LAMC1: variants seen among roughly 807,000 people sequenced by gnomAD.
LAMC1 encodes laminin subunit gamma-1.
In LAMC1, 38 loss-of-function variants were observed where a neutral mutation model predicts 173.6. The observed-to-expected ratio is 0.22, with a 90% confidence interval of 0.17 to 0.29. The LOEUF (loss-of-function observed/expected upper bound fraction) is 0.29, where lower values mean the gene tolerates loss of function less well. Among genes scored for constraint, LAMC1 ranks in the 10% least tolerant of loss-of-function variants. The pLI, the probability that LAMC1 is intolerant of heterozygous loss-of-function variation, is 1.00. For missense variants in LAMC1, 1,824 were observed against 2,051.8 expected, an observed-to-expected ratio of 0.89 and a Z score of 2.14; for synonymous variants, 746 against 749.1, an observed-to-expected ratio of 1.00 and a Z score of 0.07.
chr1:183,116,336 G>T (rs1430345381), intron 6 of LAMC1, among the ~76,000 whole-genome samples: 1 of 152,020 alleles, frequency 6.6e-6, no homozygotes, highest in South Asian at 2.1e-4. Flanking sequence ...AATTAGCTGG[G>T]TGTGGTGGCG....
chr1:183,039,730 A>G (rs1169193737), intron 1 of LAMC1, among the ~76,000 whole-genome samples: 4 of 152,202 alleles, frequency 2.6e-5, no homozygotes, highest in Admixed American at 1.3e-4. Flanking sequence ...ACAGACGTCA[A>G]TGGTGAATCC....
intron 11 of LAMC1, 33 bp from the exon 12 acceptor site, chr1:183,121,690 G>GT (rs1558055119): frequency 1.9e-6 from 3 of 1,572,886 alleles, no homozygotes; most frequent in Non-Finnish European, 2.6e-6. Flanking sequence ...AAACAAGCCA[G>GT]TTCAGTGATT....
intron 1 of LAMC1, among the ~76,000 whole-genome samples, chr1:183,044,928 TAA>T (rs201754038): frequency 6.3e-5 from 9 of 142,666 alleles, no homozygotes; most frequent in Admixed American, 7.0e-5. Context: ...TCTCAATGCT[TAA>T]AAAAAAAAAA....
At chr1:183,077,964 A>G (rs758900140) in intron 1 of LAMC1, among the ~76,000 whole-genome samples, 1 of 151,596 alleles carries the variant, frequency 6.6e-6, no homozygotes, top group Non-Finnish European at 1.5e-5. Flanking sequence ...TTCAACCCTG[A>G]CATTATATTT....
At chr1:183,027,879 T>C (rs1172091557) in intron 1 of LAMC1, among the ~76,000 whole-genome samples, 3 of 152,228 alleles carry the variant, frequency 2.0e-5, no homozygotes, top group African/African-American at 7.2e-5. Flanking sequence ...TAGCTCACTG[T>C]GGTGACTTCA....
intron 1 of LAMC1, among the ~76,000 whole-genome samples, chr1:183,077,776 GTA>G (rs68083893): frequency 0.036 from 4,211 of 116,146 alleles, 274 homozygotes; most frequent in South Asian, 0.1. Context: ...TGGCCATTGT[GTA>G]TATATATATA....
Position 183,121,871 on chromosome 1 carries a change from T to A in LAMC1, c.2139T>A (p.Pro713=). ...MCLSGYRRET[P]NLGPYSPCVL... is the part of the protein sequence containing the mutation. ...TCTCAGGTTACAGAAGAGAAACTCC[T>A]AATCTTGGACCATACAGTCCATGTG... Residue 713 remains proline (P), a synonymous_variant, in exon 12 of 28, where the codon CCT becomes CCA. Transcript: ENST00000258341. 6.2e-7 allele frequency: 1 copy of A among 1,614,202 alleles called. No homozygotes were observed. Among genetic ancestry groups the A allele is most frequent in the Non-Finnish European group, 8.5e-7 (1 of 1,180,040 alleles).
intron 1 of LAMC1, among the ~76,000 whole-genome samples, chr1:183,094,382 C>T (rs1289075858): frequency 1.3e-5 from 2 of 152,198 alleles, no homozygotes; most frequent in Non-Finnish European, 2.9e-5. Flanking sequence ...ATTCCCACTT[C>T]GTTTTTCACC....
chr1:183,136,605 C>G lies in LAMC1; in HGVS notation c.4314+20C>G. 6.4e-7 allele frequency: 1 copy of G among 1,560,000 alleles called. No individual in the cohort carries two copies. The highest frequency in any genetic ancestry group is 2.3e-5 in the East Asian group (1 of 42,592). ...CAAAAGGTGTGCGTTTCCTCTTCTCCAAGAGTCCCTGCCCATATCTTTCTC... is the reference window on the plus strand; with the variant it reads ...CAAAAGGTGTGCGTTTCCTCTTCTCGAAGAGTCCCTGCCCATATCTTTCTC... On this transcript the variant is annotated intron_variant, in intron 25 of 27. Coordinates refer to ENST00000258341, the MANE Select transcript of LAMC1 (RefSeq NM_002293.4).
At chr1:183,047,997 CCT>C (rs1654309778) in intron 1 of LAMC1, among the ~76,000 whole-genome samples, 2 of 152,068 alleles carry the variant, frequency 1.3e-5, no homozygotes, top group African/African-American at 4.8e-5. Flanking sequence ...GCCAACGCTG[CCT>C]CTCATGATAT....
intron 11 of LAMC1, among the ~76,000 whole-genome samples, chr1:183,119,421 C>A (rs570634021): frequency 1.3e-5 from 2 of 152,128 alleles, no homozygotes; most frequent in African/African-American, 4.8e-5. Context: ...ACTAGCGATC[C>A]AGATTTAGAA....
At chr1:183,030,896 G>A (rs1197075058) in intron 1 of LAMC1, among the ~76,000 whole-genome samples, 1 of 152,098 alleles carries the variant, frequency 6.6e-6, no homozygotes, top group Non-Finnish European at 1.5e-5. Context: ...GAGGCAGAGG[G>A]ATCATTCGAG....
At chr1:183,037,734 A>C (rs1325444772) in intron 1 of LAMC1, among the ~76,000 whole-genome samples, 1 of 152,062 alleles carries the variant, frequency 6.6e-6, no homozygotes, top group East Asian at 1.9e-4. Flanking sequence ...GGACTCTTAG[A>C]TACCTTAATT....
intron 1 of LAMC1, among the ~76,000 whole-genome samples, chr1:183,082,576 T>C (rs1312440703): frequency 6.6e-6 from 1 of 152,178 alleles, no homozygotes; most frequent in Non-Finnish European, 1.5e-5. Context: ...TTCCCAATGT[T>C]TTCCCATCTC....
rs375968667 is a variant in LAMC1, at chr1:183,137,647, T to C, written c.4315-22T>C. On this transcript the variant is annotated intron_variant, in intron 25 of 27. Coordinates refer to ENST00000258341, the MANE Select transcript of LAMC1 (RefSeq NM_002293.4). ...AAAAGGAAAGCTTTTTTAAAAAAAG[T>C]ACAATTTTCTTTTGTGCCTAGAATG... 3.1e-5 allele frequency: 47 copies of C among 1,505,626 alleles called. No individual in the cohort carries two copies. In the African/African-American group the frequency reaches 5.7e-4, roughly 18 times the overall value. The allele number at this position is 1,505,626 out of a possible 1,614,324, so 93.3% of individuals were successfully genotyped here.
intron 1 of LAMC1, among the ~76,000 whole-genome samples, chr1:183,031,825 T>C (rs1653856771): frequency 6.6e-6 from 1 of 152,164 alleles, no homozygotes; most frequent in African/African-American, 2.4e-5. Flanking sequence ...GCAGATCCTA[T>C]TACTTTGCCT....
intron 1 of LAMC1, among the ~76,000 whole-genome samples, chr1:183,050,504 G>A (rs1429538339): frequency 6.8e-5 from 10 of 147,596 alleles, no homozygotes; most frequent in South Asian, 2.1e-4. Flanking sequence ...GGATGGTCTC[G>A]ATCTCCTGAC....
At position 183,145,028 on chromosome 1, in the gene LAMC1, A is replaced by C. The variant is rs1252647289; in HGVS notation, c.*2238A>C. On this transcript the variant is annotated 3_prime_UTR_variant, in exon 28 of 28. Coordinates refer to ENST00000258341, the MANE Select transcript of LAMC1 (RefSeq NM_002293.4). ...CACGTCATTGTTTCCTGGCTAGTTC[A>C]TTTCATTAAGTGGCTACATCCTAAC... 6.6e-6 allele frequency: 1 copy of C among 152,106 alleles called. No individual in the cohort carries two copies. Among genetic ancestry groups the C allele is most frequent in the African/African-American group, 2.4e-5 (1 of 41,416 alleles). The allele number at this position is 152,106 out of a possible 1,614,324, so 9.4% of individuals were successfully genotyped here.
rs20563 is a variant in LAMC1 at position 183,116,620 on chromosome 1, A to G, written c.1372A>G (p.Ile458Val). The G allele has an allele frequency of 0.57, 912,165 of 1,610,550 alleles. 261,988 individuals carry two copies. The highest frequency in any genetic ancestry group is 0.66 in the Admixed American group (39,652 of 59,952). The change falls in exon 7 of 28, where the codon ATT becomes GTT. Residue 458 changes from isoleucine to valine, a missense_variant. Transcript: ENST00000258341. The stretch of plus-strand genomic sequence containing the variant: ...CTCTGGCAGCATAGATGAATGTAAT[A>G]TTGAAACAGGAAGATGTGTTTGCAA... ...DPSGSIDECN[I>V]ETGRCVCKDN... is the part of the protein sequence containing the mutation.
Sources: gnomAD v4.1 joint callset for allele counts (sites outside exome capture counted in the v4.1 genomes callset) on GRCh38, gnomAD v4.1.1 for gene constraint, MANE v1.5 for transcripts, NCBI Gene and HGNC (gene_info 2026-07-23, HGNC 2026-07-21) for gene names.